APAF1: variants seen among roughly 807,000 people sequenced by gnomAD.
The protein encoded by APAF1 is apoptotic protease-activating factor 1.
Under a neutral mutation model 152.4 loss-of-function variants are expected in APAF1, and 91 were observed. That is an observed-to-expected ratio of 0.60 (90% confidence interval 0.50 to 0.71). The LOEUF is 0.71. Ranked by LOEUF, APAF1 falls within the 30% of genes least tolerant of loss-of-function variation. The pLI, the probability that APAF1 is intolerant of heterozygous loss-of-function variation, is 0.00. For synonymous variants in APAF1, 484 were observed against 494.1 expected, an observed-to-expected ratio of 0.98 and a Z score of 0.27; for missense variants, 1,283 against 1,472.0, an observed-to-expected ratio of 0.87 and a Z score of 2.10.
In APAF1 at chr12:98,671,569, T is replaced by G. The variant is rs746426956; in HGVS notation, c.1643T>G (p.Leu548Ter). Residue 548 changes from leucine to a stop codon, truncating the protein, a stop_gained, in exon 12 of 27, where the codon TTA becomes TGA. Coordinates refer to ENST00000551964, the MANE Select transcript of APAF1 (RefSeq NM_181861.2). LOFTEE classifies it high-confidence loss of function. Reference sequence around the variant, plus strand: ...GTCAGTGAGAATTTTCAGGAGTTTTTATCTTTAAATGGACACCTTCTTGGA... The same window carrying G: ...GTCAGTGAGAATTTTCAGGAGTTTTGATCTTTAAATGGACACCTTCTTGGA... Reference protein sequence around the residue: ...CAVSENFQEFLSLNGHLLGRQ... With the variant: ...CAVSENFQEF 6.2e-7 allele frequency: 1 copy of G among 1,614,168 alleles called. No homozygotes were observed. Among genetic ancestry groups the G allele is most frequent in the Non-Finnish European group, 8.5e-7 (1 of 1,180,024 alleles).
intron 14 of APAF1, among the ~76,000 whole-genome samples, chr12:98,682,635 A>G (rs1311902592): frequency 5.9e-5 from 9 of 152,234 alleles, no homozygotes; most frequent in Non-Finnish European, 1.2e-4. Flanking sequence ...CTTGAAGTCC[A>G]TAGAACACTT....
chr12:98,682,579 TA>T (rs1338460207), intron 14 of APAF1, among the ~76,000 whole-genome samples: 3 of 152,072 alleles, frequency 2.0e-5, no homozygotes, highest in Non-Finnish European at 4.4e-5. Context: ...ATAAAACCTT[TA>T]TTTTTTTTAA....
intron 4 of APAF1, among the ~76,000 whole-genome samples, chr12:98,656,119 G>A (rs751898239): frequency 4.6e-5 from 7 of 152,008 alleles, no homozygotes; most frequent in Non-Finnish European, 7.4e-5. Flanking sequence ...TTAGGGACGT[G>A]GTTTCACCAT....
chr12:98,652,312 T>A (rs1289803385), intron 4 of APAF1, among the ~76,000 whole-genome samples: 1 of 152,156 alleles, frequency 6.6e-6, no homozygotes, highest in African/African-American at 2.4e-5. Context: ...AGTCTGTACA[T>A]TTCCCCCAGA....
intron 16 of APAF1, among the ~76,000 whole-genome samples, chr12:98,687,727 G>A (rs2097699478): frequency 6.6e-6 from 1 of 152,258 alleles, no homozygotes; most frequent in South Asian, 2.1e-4. Flanking sequence ...TTGCATCAGG[G>A]ATTAAGTATT....
At chr12:98,694,003 C>CTTA (rs1404777824) in intron 16 of APAF1, among the ~76,000 whole-genome samples, 1 of 152,086 alleles carries the variant, frequency 6.6e-6, no homozygotes, top group East Asian at 1.9e-4. Context: ...CATAGTTTAA[C>CTTA]AAGGCCAACA....
At chr12:98,660,025 CAG>C (rs1001839792) in intron 5 of APAF1, among the ~76,000 whole-genome samples, 2 of 151,930 alleles carry the variant, frequency 1.3e-5, no homozygotes, top group African/African-American at 2.4e-5. Context: ...CATAGAACAA[CAG>C]AGAATAAATG....
chr12:98,687,285 C>T lies in APAF1; in HGVS notation c.2304+412C>T, dbSNP rs113501222. 9.8e-3 allele frequency among the ~76,000 whole-genome samples: 1,491 copies of T among 151,568 alleles called. 24 individuals carry two copies. Among genetic ancestry groups the T allele is most frequent in the African/African-American group, 0.034 (1,405 of 41,296 alleles). ...GGCTGAGGCAGAGAATTGCTTGAAC[C>T]CGGGAGGTGGAGGTTGCAGTGAGCT... On this transcript the variant is annotated intron_variant, in intron 16 of 26. Coordinates refer to ENST00000551964, the MANE Select transcript of APAF1 (RefSeq NM_181861.2).
intron 21 of APAF1, 57 bp from the exon 22 acceptor site, chr12:98,715,370 T>C (rs2097733590): frequency 6.4e-7 from 1 of 1,565,972 alleles, no homozygotes; most frequent in Non-Finnish European, 8.7e-7. Flanking sequence ...CTTTGGGGTG[T>C]AATGCCTATG....
At chr12:98,654,682 C>T (rs2097654088) in intron 4 of APAF1, among the ~76,000 whole-genome samples, 1 of 152,048 alleles carries the variant, frequency 6.6e-6, no homozygotes, top group Non-Finnish European at 1.5e-5. Context: ...TCTGGGATTA[C>T]AGGTGTGAGC....
intron 4 of APAF1, among the ~76,000 whole-genome samples, chr12:98,653,719 T>TATATATATATATAG (rs1305555429): frequency 7.4e-5 from 8 of 108,200 alleles, no homozygotes; most frequent in African/African-American, 3.0e-4. Context: ...TATATATATA[T>TATATATATATATAG]ATATAGTTTT....
At chr12:98,678,845 G>C (rs2097689315) in intron 13 of APAF1, among the ~76,000 whole-genome samples, 2 of 152,212 alleles carry the variant, frequency 1.3e-5, no homozygotes, top group African/African-American at 4.8e-5. Context: ...TGCCGCCTCG[G>C]CCCCCTCCGG....
intron 22 of APAF1, among the ~76,000 whole-genome samples, chr12:98,721,505 T>G (rs1390940303): frequency 6.6e-6 from 1 of 152,220 alleles, no homozygotes; most frequent in Non-Finnish European, 1.5e-5. Context: ...AGGTCTTTTA[T>G]GCTTAGTCAT....
intron 23 of APAF1, 125 bp from the exon 24 acceptor site, chr12:98,723,514 G>A: frequency 9.8e-7 from 1 of 1,024,676 alleles, no homozygotes; most frequent in Non-Finnish European, 1.5e-6. Context: ...TTAAAGTAAA[G>A]GGGTCAGAAC....
At chr12:98,662,427 T>C in intron 5 of APAF1, 29 bp from the exon 6 acceptor site, 1 of 1,460,898 alleles carries the variant, frequency 6.8e-7, no homozygotes, top group Non-Finnish European at 9.6e-7. Context: ...TAAGTGTCAT[T>C]AGTGATTAAT....
At position 98,671,659 on chromosome 12, in the gene APAF1, A is replaced by G; in HGVS notation, c.1733A>G (p.Gln578Arg). 6.2e-7 allele frequency: 1 copy of G among 1,614,128 alleles called. No homozygotes were observed. Among genetic ancestry groups the G allele is most frequent in the Non-Finnish European group, 8.5e-7 (1 of 1,180,036 alleles). Reference sequence around the variant, plus strand: ...GAGCCGGAAACTTCAGAAGTTTATCAGCAAGCTAAGCTGCAGGCCAAGCAG... The same window carrying G: ...GAGCCGGAAACTTCAGAAGTTTATCGGCAAGCTAAGCTGCAGGCCAAGCAG... ...LCEPETSEVY[Q>R]QAKLQAKQEV... The change falls in exon 12 of 27, where the codon CAG becomes CGG. Residue 578 changes from glutamine to arginine, a missense_variant. Gln to Arg is a conservative substitution (Grantham distance 43). Coordinates refer to ENST00000551964, the MANE Select transcript of APAF1 (RefSeq NM_181861.2).
rs2097645241 is a variant in APAF1, at chr12:98,648,625, G to A, written c.139-1G>A. ...ATACTAAACTACTTAATTTTTTTTA[G>A]CCCACTCAACAGCAAAGAGCAGCTA... On this transcript the variant is annotated splice_acceptor_variant, in intron 2 of 26. Coordinates refer to ENST00000551964, the MANE Select transcript of APAF1 (RefSeq NM_181861.2). LOFTEE classifies it high-confidence loss of function. 6.2e-7 allele frequency: 1 copy of A among 1,612,626 alleles called. No homozygotes were observed. The highest frequency in any genetic ancestry group is 1.7e-5 in the Admixed American group (1 of 59,924).
At chr12:98,720,849 C>T (rs1314478351) in intron 22 of APAF1, among the ~76,000 whole-genome samples, 1 of 152,084 alleles carries the variant, frequency 6.6e-6, no homozygotes, top group African/African-American at 2.4e-5. Context: ...CACCTGTAGT[C>T]CCAGCTACTC....
In APAF1 at chr12:98,659,238, T is replaced by C. The variant is rs2097661615; in HGVS notation, c.605T>C (p.Leu202Pro). 1 of 1,614,074 alleles carries C rather than the reference T, an allele frequency of 6.2e-7. No individual in the cohort carries two copies. The highest frequency in any genetic ancestry group is 8.5e-7 in the Non-Finnish European group (1 of 1,180,040). The change falls in exon 5 of 27, where the codon CTT (leucine) becomes CCT (proline). Residue 202 changes from leucine (L) to proline (P), a missense_variant. Leu to Pro is a moderately conservative substitution (Grantham distance 98). Transcript: ENST00000551964. Reference sequence around the variant, plus strand: ...GGGCTTCTGATGAAACTGCAGAATCTTTGCACACGGTTGGATCAGGATGAG... The same window carrying C: ...GGGCTTCTGATGAAACTGCAGAATCCTTGCACACGGTTGGATCAGGATGAG... ...KSGLLMKLQN[L>P]CTRLDQDESF...
Sources: allele counts gnomAD v4.1 joint callset (sites outside exome capture counted in the v4.1 genomes callset), GRCh38; gene constraint gnomAD v4.1.1; transcripts MANE v1.5; gene names NCBI Gene and HGNC (gene_info 2026-07-23, HGNC 2026-07-21).